Variants in DLG1 observed in about 807,000 individuals in gnomAD.
DLG1 encodes disks large homolog 1.
A neutral mutation model predicts 123.4 loss-of-function variants in DLG1; 42 were observed. The ratio of observed to expected loss-of-function variants is 0.34; its 90% CI spans 0.27 to 0.44. The LOEUF is 0.44. Among genes scored for constraint, DLG1 ranks in the 20% least tolerant of loss-of-function variants. The pLI, the probability that DLG1 is intolerant of heterozygous loss-of-function variation, is 1.00. For missense variants in DLG1, 942 were observed against 1,082.6 expected (o/e 0.87, Z 1.82); for synonymous variants, 317 against 356.2 (o/e 0.89, Z 1.24).
chr3:197,099,046 C>T (rs975518544), intron 14 of DLG1, among the ~76,000 whole-genome samples: 8 of 152,116 alleles, frequency 5.3e-5, no homozygotes, highest in African/African-American at 1.9e-4. Flanking sequence ...TAAATACTCC[C>T]ACCAACATAT....
At position 197,066,645 on chromosome 3, in the gene DLG1, C is replaced by T. The variant is rs1739789569; in HGVS notation, c.2098+59G>A. On this transcript the variant is annotated intron_variant, in intron 20 of 24. Transcript: ENST00000667157. ...TTTTGGGGTATGAGAATTTTTTTCC[C>T]CCAAATTAAAAAGTATATTCTTCTA... 2.2e-5 allele frequency: 30 copies of T among 1,343,484 alleles called. No individual in the cohort carries two copies. In the South Asian group the frequency reaches 2.8e-4, roughly 12 times the overall value. 83.2% of individuals were successfully genotyped at this position (1,343,484 alleles called of 1,614,324 possible). A position where few individuals can be genotyped will look rare whatever the true frequency, so the allele number is the denominator to read the frequency against.
chr3:197,075,317 CAAAAAAAAAAAAAA>C (rs58384491), intron 18 of DLG1, among the ~76,000 whole-genome samples: 1 of 90,300 alleles, frequency 1.1e-5, no homozygotes, highest in African/African-American at 4.0e-5. Flanking sequence ...ATAACTTTCT[CAAAAAAAAAAAAAA>C]AAAAAAAAAA....
intron 18 of DLG1, among the ~76,000 whole-genome samples, chr3:197,073,803 ATT>A (rs557496759): frequency 6.7e-6 from 1 of 149,288 alleles, no homozygotes; most frequent in African/African-American, 2.5e-5. Flanking sequence ...GCAGATATAC[ATT>A]TTTTTTTTCT....
At chr3:197,114,499 T>A (rs1182626291) in intron 13 of DLG1, among the ~76,000 whole-genome samples, 60 of 152,194 alleles carry the variant, frequency 3.9e-4, no homozygotes, top group African/African-American at 1.4e-3. Flanking sequence ...AACTAACTTT[T>A]AAAGTGAAAT....
intron 3 of DLG1, among the ~76,000 whole-genome samples, chr3:197,283,079 T>C (rs1401506888): frequency 1.3e-5 from 2 of 152,198 alleles, no homozygotes; most frequent in Admixed American, 6.5e-5. Context: ...AAGTCAGCAC[T>C]TGATTCAAAT....
At chr3:197,192,846 G>A (rs1338843053) in intron 5 of DLG1, among the ~76,000 whole-genome samples, 3 of 151,922 alleles carry the variant, frequency 2.0e-5, no homozygotes, top group African/African-American at 7.3e-5. Context: ...TGGCAAGAAT[G>A]GTGACGGAAA....
intron 5 of DLG1, among the ~76,000 whole-genome samples, chr3:197,180,721 G>A (rs1577635104): frequency 6.6e-6 from 1 of 152,096 alleles, no homozygotes; most frequent in East Asian, 1.9e-4. Flanking sequence ...GTGACTGGAG[G>A]ATAGTATGAA....
At chr3:197,297,157 G>A (rs772876153) in intron 2 of DLG1, 29 bp downstream of exon 2, 1 of 1,613,424 alleles carries the variant, frequency 6.2e-7, no homozygotes, top group Admixed American at 1.7e-5. Context: ...AAGTGACATC[G>A]ACAACAGAGT....
intron 5 of DLG1, among the ~76,000 whole-genome samples, chr3:197,152,524 C>A (rs1311447109): frequency 1.4e-5 from 2 of 143,886 alleles, no homozygotes; most frequent in Admixed American, 1.5e-4. Flanking sequence ...CGCCTGTAAT[C>A]CCAGCACTCT....
At chr3:197,249,847 T>G (rs1753516071) in intron 4 of DLG1, among the ~76,000 whole-genome samples, 1 of 152,130 alleles carries the variant, frequency 6.6e-6, no homozygotes, top group African/African-American at 2.4e-5. Flanking sequence ...AAAAAAGCAC[T>G]TGATAAAATT....
intron 1 of DLG1, 176 bp from the exon 2 acceptor site, chr3:197,297,411 C>T: frequency 2.1e-6 from 3 of 1,426,776 alleles, no homozygotes; most frequent in Non-Finnish European, 2.7e-6. Context: ...AAAGCTTTTC[C>T]TTGGAGTGGG....
chr3:197,148,411 G>GAAAAAAAAAAAAAA (rs780479244), intron 6 of DLG1, among the ~76,000 whole-genome samples: 1 of 42,894 alleles, frequency 2.3e-5, no homozygotes, highest in Non-Finnish European at 4.9e-5. Context: ...ACTGTCTCAA[G>GAAAAAAAAAAAAAA]AAAAAAAAAA....
intron 14 of DLG1, among the ~76,000 whole-genome samples, chr3:197,099,702 A>G (rs1762443005): frequency 6.6e-6 from 1 of 152,208 alleles, no homozygotes; most frequent in African/African-American, 2.4e-5. Flanking sequence ...GACTTCCTCA[A>G]TCTCTTCTTA....
intron 5 of DLG1, among the ~76,000 whole-genome samples, chr3:197,184,768 C>T (rs552161078): frequency 1.3e-5 from 2 of 152,274 alleles, no homozygotes; most frequent in East Asian, 3.9e-4. Flanking sequence ...GTTTTATAAT[C>T]AGTGAAATGT....
At chr3:197,212,468 CAG>C (rs1215922142) in intron 4 of DLG1, among the ~76,000 whole-genome samples, 1 of 152,216 alleles carries the variant, frequency 6.6e-6, no homozygotes, top group East Asian at 1.9e-4. Flanking sequence ...AGACTACAGG[CAG>C]AGTTAGTTTC....
intron 11 of DLG1, among the ~76,000 whole-genome samples, chr3:197,129,036 G>A (rs896073123): frequency 2.0e-5 from 3 of 152,142 alleles, no homozygotes; most frequent in Non-Finnish European, 4.4e-5. Flanking sequence ...AATGGGCATT[G>A]GCTTCAACTG....
Position 197,194,714 on chromosome 3 carries a change from C to T in DLG1, c.319-125G>A, listed in dbSNP as rs531836036. 140 of 524,306 alleles carry T rather than the reference C, an allele frequency of 2.7e-4. No individual in the cohort carries two copies. The African/African-American group carries it at 2.7e-3, about 10-fold the overall frequency. The allele number at this position is 524,306 out of a possible 1,614,324, so 32.5% of individuals were successfully genotyped here. A position where few individuals can be genotyped will look rare whatever the true frequency, so the allele number is the denominator to read the frequency against. On this transcript the variant is annotated intron_variant, in intron 4 of 24. Coordinates refer to ENST00000667157, the MANE Select transcript of DLG1 (RefSeq NM_001366207.1). ...TAAAAAGTATATTTATGGTTTAATA[C>T]ATCAGATCTCAGAGAAATAGGATTT...
chr3:197,061,995 C>G (rs148102594), intron 22 of DLG1, among the ~76,000 whole-genome samples: 12 of 152,126 alleles, frequency 7.9e-5, no homozygotes, highest in African/African-American at 2.9e-4. Flanking sequence ...TACCACCATG[C>G]GGTTTTCAAA....
chr3:197,114,259 A>C (rs891686144), intron 13 of DLG1, among the ~76,000 whole-genome samples: 13 of 152,312 alleles, frequency 8.5e-5, no homozygotes, highest in African/African-American at 2.9e-4. Flanking sequence ...AATGAATCCC[A>C]AACACAATAA....
Sources: gnomAD v4.1 joint callset for allele counts (sites outside exome capture counted in the v4.1 genomes callset) on GRCh38, gnomAD v4.1.1 for gene constraint, MANE v1.5 for transcripts, NCBI Gene and HGNC (gene_info 2026-07-23, HGNC 2026-07-21) for gene names.